The following EGFLAM variants were observed in gnomAD, a reference collection of about 807,000 sequenced individuals.
EGFLAM encodes the protein pikachurin.
EGFLAM carries 79 observed loss-of-function variants against 113.1 expected under a neutral mutation model. The ratio of observed to expected loss-of-function variants is 0.70; its 90% CI spans 0.58 to 0.84. EGFLAM has a LOEUF of 0.84. Ranked by LOEUF, EGFLAM falls within the 40% of genes least tolerant of loss-of-function variation. The pLI, the probability that EGFLAM is intolerant of heterozygous loss-of-function variation, is 0.00. For synonymous variants in EGFLAM, 504 were observed against 487.6 expected (o/e 1.03, Z -0.44); for missense variants, 1,265 against 1,291.6 (o/e 0.98, Z 0.32).
intron 12 of EGFLAM, among the ~76,000 whole-genome samples, chr5:38,421,975 G>A (rs1741838806): frequency 1.3e-5 from 2 of 152,088 alleles, no homozygotes; most frequent in African/African-American, 4.8e-5. Flanking sequence ...TATTGCAGTA[G>A]GTCACATGAC....
intron 6 of EGFLAM, among the ~76,000 whole-genome samples, chr5:38,383,057 G>A (rs916594816): frequency 6.6e-6 from 1 of 152,196 alleles, no homozygotes; most frequent in Non-Finnish European, 1.5e-5. Flanking sequence ...GAGCCCTTGC[G>A]ACTCAGTCTG....
chr5:38,376,583 G>C (rs1740370597), intron 6 of EGFLAM, among the ~76,000 whole-genome samples: 2 of 152,150 alleles, frequency 1.3e-5, no homozygotes, highest in South Asian at 2.1e-4. Context: ...AGCACCTGCT[G>C]TTTCCTGGGC....
At chr5:38,372,123 G>A (rs1740238436) in intron 6 of EGFLAM, among the ~76,000 whole-genome samples, 1 of 151,842 alleles carries the variant, frequency 6.6e-6, no homozygotes, top group African/African-American at 2.4e-5. Flanking sequence ...TGGGTGGGTT[G>A]GGGCACCTCT....
intron 1 of EGFLAM, among the ~76,000 whole-genome samples, chr5:38,321,884 A>G (rs143580572): frequency 6.2e-4 from 94 of 152,304 alleles, no homozygotes; most frequent in African/African-American, 2.2e-3. Flanking sequence ...TTAAAAACCT[A>G]CAAGTCGTTA....
chr5:38,338,729 C>A lies in EGFLAM; in HGVS notation c.239C>A (p.Ser80Tyr). 1.2e-6 allele frequency: 2 copies of A among 1,614,220 alleles called. No individual in the cohort carries two copies. Among genetic ancestry groups the A allele is most frequent in the Non-Finnish European group, 1.7e-6 (2 of 1,180,032 alleles). ...TACTCTGAGGTTGGCGCAGATAAAT[C>A]CCTGCAGGAGCAGTTGCACAGCGTG... ...VFYSEVGADK[S>Y]LQEQLHSVPL... Residue 80 changes from serine to tyrosine, a missense_variant, in exon 3 of 22, where the codon TCC becomes TAC. Coordinates refer to ENST00000322350, the MANE Select transcript of EGFLAM (RefSeq NM_152403.4).
intron 1 of EGFLAM, chr5:38,285,872 A>G (rs1199377068): frequency 6.6e-6 from 1 of 152,158 alleles, no homozygotes; most frequent in Non-Finnish European, 1.5e-5. Flanking sequence ...ACCTGCCCCC[A>G]TGATTCAATC....
At chr5:38,435,910 T>C (rs1444127091) in intron 16 of EGFLAM, among the ~76,000 whole-genome samples, 15 of 144,546 alleles carry the variant, frequency 1.0e-4, no homozygotes, top group Non-Finnish European at 3.0e-5. Flanking sequence ...CTCCACCTCC[T>C]GGGTTCAAGC....
chr5:38,446,464 GT>G (rs1742716283), intron 17 of EGFLAM, among the ~76,000 whole-genome samples: 1 of 151,556 alleles, frequency 6.6e-6, no homozygotes, highest in African/African-American at 2.4e-5. Context: ...CTCCTTTCCC[GT>G]CCTCTTGCCA....
intron 1 of EGFLAM, chr5:38,305,411 C>T (rs1328179138): frequency 6.6e-6 from 3 of 452,200 alleles, no homozygotes; most frequent in African/African-American, 2.0e-5. Context: ...CTACATTTAC[C>T]TCCTTTACAT....
In EGFLAM at chr5:38,299,201, T is replaced by C. The variant is rs553746885; in HGVS notation, c.98-38319T>C. Among the ~76,000 whole-genome samples, 5 of 152,350 alleles carry C rather than the reference T, an allele frequency of 3.3e-5. No homozygotes were observed. In the East Asian group the frequency reaches 5.8e-4, roughly 18 times the overall value. ...TGCCCCTCGGCTATGGCTTTTATTG[T>C]GTAACACACAAGGAAGAATGAGAAC... On this transcript the variant is annotated intron_variant, in intron 1 of 21. Coordinates refer to ENST00000322350, the MANE Select transcript of EGFLAM (RefSeq NM_152403.4).
At chr5:38,333,765 T>C (rs1052042890) in intron 1 of EGFLAM, among the ~76,000 whole-genome samples, 2 of 152,130 alleles carry the variant, frequency 1.3e-5, no homozygotes, top group Non-Finnish European at 2.9e-5. Context: ...GTTTACTCTG[T>C]TGATAGTTTC....
chr5:38,295,905 A>G (rs1327238112), intron 1 of EGFLAM, among the ~76,000 whole-genome samples: 1 of 152,192 alleles, frequency 6.6e-6, no homozygotes, highest in Non-Finnish European at 1.5e-5. Flanking sequence ...GTGGGGGAGT[A>G]CTTGTTATAT....
chr5:38,429,429 A>G (rs1025106365), intron 14 of EGFLAM, among the ~76,000 whole-genome samples: 1 of 152,232 alleles, frequency 6.6e-6, no homozygotes, highest in Admixed American at 6.5e-5. Context: ...AATTGTGCCC[A>G]TTGGTATTCC....
intron 4 of EGFLAM, among the ~76,000 whole-genome samples, chr5:38,351,872 A>G (rs780960805): frequency 2.0e-5 from 3 of 152,170 alleles, no homozygotes; most frequent in Non-Finnish European, 2.9e-5. Flanking sequence ...TTTCCAGGGA[A>G]CTTACCACTG....
At chr5:38,294,681 T>C (rs1458039091) in intron 1 of EGFLAM, among the ~76,000 whole-genome samples, 3 of 152,208 alleles carry the variant, frequency 2.0e-5, no homozygotes, top group South Asian at 2.1e-4. Flanking sequence ...AGAAAGGCTA[T>C]AGGTTTTACA....
At chr5:38,381,495 A>G (rs1184175930) in intron 6 of EGFLAM, among the ~76,000 whole-genome samples, 1 of 152,174 alleles carries the variant, frequency 6.6e-6, no homozygotes, top group Non-Finnish European at 1.5e-5. Flanking sequence ...TTTTCTAGGG[A>G]TCTCAGTAGT....
chr5:38,453,339 G>A (rs1742982502), intron 19 of EGFLAM, among the ~76,000 whole-genome samples: 1 of 152,188 alleles, frequency 6.6e-6, no homozygotes, highest in African/African-American at 2.4e-5. Flanking sequence ...ACTAAACAGT[G>A]GAGAAGCTGA....
At chr5:38,452,509 A>G (rs1742954431) in intron 19 of EGFLAM, among the ~76,000 whole-genome samples, 2 of 152,180 alleles carry the variant, frequency 1.3e-5, no homozygotes, top group Admixed American at 1.3e-4. Flanking sequence ...CTCATAAATT[A>G]GGAAGGGGCA....
intron 1 of EGFLAM, among the ~76,000 whole-genome samples, chr5:38,324,441 C>G (rs1299310793): frequency 2.0e-5 from 3 of 152,196 alleles, no homozygotes; most frequent in African/African-American, 7.2e-5. Context: ...TCTGTAAATA[C>G]AGCTTCAGAT....
Sources: gnomAD v4.1 joint callset for allele counts (sites outside exome capture counted in the v4.1 genomes callset) on GRCh38, gnomAD v4.1.1 for gene constraint, MANE v1.5 for transcripts, NCBI Gene and HGNC (gene_info 2026-07-23, HGNC 2026-07-21) for gene names.